The following AGAP1 variants were observed in gnomAD, a reference collection of about 807,000 sequenced individuals.
AGAP1 encodes ArfGAP with GTPase domain, ankyrin repeat and PH domain 1.
A neutral mutation model predicts 105.3 loss-of-function variants in AGAP1; 29 were observed. That is an observed-to-expected ratio of 0.28 (90% CI 0.21 to 0.38). The LOEUF is 0.38. Ranked by LOEUF, AGAP1 falls within the 10% of genes least tolerant of loss-of-function variation. The probability of loss-of-function intolerance (pLI) is 1.00; values close to 1 mark genes in which losing one functional copy is unlikely to be tolerated. For synonymous variants in AGAP1, 509 were observed against 485.9 expected, an observed-to-expected ratio of 1.05 and a Z score of -0.63; for missense variants, 998 against 1,165.1, an observed-to-expected ratio of 0.86 and a Z score of 2.09.
intron 9 of AGAP1, among the ~76,000 whole-genome samples, chr2:235,859,219 C>T (rs1445697503): frequency 3.3e-5 from 5 of 151,744 alleles, no homozygotes; most frequent in African/African-American, 9.7e-5. Flanking sequence ...TTTTTTAATA[C>T]ATATTGTTTC....
At chr2:236,099,257 C>A (rs1467489636) in intron 16 of AGAP1, among the ~76,000 whole-genome samples, 1 of 151,934 alleles carries the variant, frequency 6.6e-6, no homozygotes, top group Non-Finnish European at 1.5e-5. Context: ...TTGAGACTAT[C>A]CTGACTAACA....
chr2:235,810,564 C>T lies in AGAP1; in HGVS notation c.1050+3233C>T, dbSNP rs73126451. ...CCCAGAGTTTACAGATAGTACGTGT[C>T]GCAGTGGCTTATGTTAACCCCCTTT... On this transcript the variant is annotated intron_variant, in intron 9 of 17. Transcript: ENST00000304032. Among the ~76,000 whole-genome samples the T allele has an allele frequency of 6.9e-3, 1,053 of 152,320 alleles. 12 individuals carry two copies. The highest frequency in any genetic ancestry group is 0.024 in the African/African-American group (993 of 41,560).
At position 235,609,324 on chromosome 2, in the gene AGAP1, T is replaced by C. The variant is rs1263918795; in HGVS notation, c.164-99855T>C. ...GAAATTGAGTCCCTAGCAGGAGAAG[T>C]CCCTGTTAAAATGGCCAGAGGACAT... On this transcript the variant is annotated intron_variant, in intron 1 of 17. Coordinates refer to ENST00000304032, the MANE Select transcript of AGAP1 (RefSeq NM_001037131.3). The surrounding 1 kb of genome is among the most constrained non-coding windows in gnomAD (Gnocchi z 5.1). Among the ~76,000 whole-genome samples, 1 of 152,056 alleles carries C rather than the reference T, an allele frequency of 6.6e-6. No homozygotes were observed. The highest frequency in any genetic ancestry group is 1.5e-5 in the Non-Finnish European group (1 of 68,034).
At chr2:235,643,265 T>C (rs1947257976) in intron 1 of AGAP1, among the ~76,000 whole-genome samples, 1 of 151,650 alleles carries the variant, frequency 6.6e-6, no homozygotes, top group Admixed American at 6.6e-5. Flanking sequence ...ACTCTGTCTC[T>C]ACTAAAAATA....
rs1042489994 is a variant in AGAP1, at chr2:235,582,738, C to T, written c.163+87889C>T. Among the ~76,000 whole-genome samples, 3 of 152,256 alleles carry T rather than the reference C, an allele frequency of 2.0e-5. No individual in the cohort carries two copies. Among genetic ancestry groups the T allele is most frequent in the Admixed American group, 2.0e-4 (3 of 15,288 alleles). The stretch of plus-strand genomic sequence containing the variant: ...AGTCAGAGAGAGGGGGCTCGTGGTC[C>T]TTCTTGGGCTCTCATTGCTGTTAGC... On this transcript the variant is annotated intron_variant, in intron 1 of 17. Transcript: ENST00000304032. This position sits in a 1 kb window ranked among gnomAD's most constrained non-coding sequence, Gnocchi z 4.7.
In AGAP1 at chr2:235,799,625, C is replaced by A; in HGVS notation, c.957+103C>A. ...TTCAGTGGTATTTGTAGAATCTCAA[C>A]TATATTAAAGTGAATAACATTGATT... On this transcript the variant is annotated intron_variant, in intron 8 of 17. Coordinates refer to ENST00000304032, the MANE Select transcript of AGAP1 (RefSeq NM_001037131.3). This position sits in a 1 kb window ranked among gnomAD's most constrained non-coding sequence, Gnocchi z 5.0. 7.6e-7 allele frequency: 1 copy of A among 1,314,450 alleles called. No individual in the cohort carries two copies. Among genetic ancestry groups the A allele is most frequent in the South Asian group, 1.5e-5 (1 of 68,228 alleles). 81.4% of individuals were successfully genotyped at this position (1,314,450 alleles called of 1,614,324 possible).
rs774298650 is a variant in AGAP1 at position 235,989,710 on chromosome 2, C to T, written c.1645+21087C>T. Reference sequence around the variant, plus strand: ...TCATGAATCAAGGAGCCCAGGAGGACGGGGAATCCCTGGAGGAGGTGGGTC... The same window carrying T: ...TCATGAATCAAGGAGCCCAGGAGGATGGGGAATCCCTGGAGGAGGTGGGTC... On this transcript the variant is annotated intron_variant, in intron 13 of 17. Transcript: ENST00000304032. The surrounding 1 kb of genome is among the most constrained non-coding windows in gnomAD (Gnocchi z 4.4). Among the ~76,000 whole-genome samples, 4 of 152,040 alleles carry T rather than the reference C, an allele frequency of 2.6e-5. No individual in the cohort carries two copies. Among genetic ancestry groups the T allele is most frequent in the African/African-American group, 7.2e-5 (3 of 41,388 alleles).
At position 235,962,422 on chromosome 2, in the gene AGAP1, C is replaced by T. The variant is rs985065624; in HGVS notation, c.1484-6040C>T. 1.3e-5 allele frequency among the ~76,000 whole-genome samples: 2 copies of T among 151,840 alleles called. No homozygotes were observed. Among genetic ancestry groups the T allele is most frequent in the Non-Finnish European group, 2.9e-5 (2 of 67,990 alleles). On this transcript the variant is annotated intron_variant, in intron 12 of 17. Transcript: ENST00000304032. This position sits in a 1 kb window ranked among gnomAD's most constrained non-coding sequence, Gnocchi z 5.3. ...GTTTCAAGTCGTGTGCGATGCTGCC[C>T]GGCTGTATAAGAAAAACCGTGGGAT...
rs1160379880 is a variant in AGAP1 at position 235,608,622 on chromosome 2, A to G, written c.164-100557A>G. 6.6e-6 allele frequency among the ~76,000 whole-genome samples: 1 copy of G among 152,236 alleles called. No homozygotes were observed. Among genetic ancestry groups the G allele is most frequent in the Non-Finnish European group, 1.5e-5 (1 of 68,046 alleles). ...CCCAGAGTGTCTGGGGGACGCATCC[A>G]GGGTCCCAGGCCCAGAAAACAGTGG... is the stretch of plus-strand genomic sequence containing the variant. On this transcript the variant is annotated intron_variant, in intron 1 of 17. Transcript: ENST00000304032. The surrounding 1 kb of genome is among the most constrained non-coding windows in gnomAD (Gnocchi z 5.4).
At position 235,664,217 on chromosome 2, in the gene AGAP1, G is replaced by GTT. The variant is rs913695564; in HGVS notation, c.164-44953_164-44952dup. On this transcript the variant is annotated intron_variant, in intron 1 of 17. Coordinates refer to ENST00000304032, the MANE Select transcript of AGAP1 (RefSeq NM_001037131.3). The surrounding 1 kb of genome is among the most constrained non-coding windows in gnomAD (Gnocchi z 5.7). The stretch of plus-strand genomic sequence containing the variant: ...ATTTTAATATATAGTTTGTTTTTTT[G>GTT]TTTTTTTTTTCGAGACGGAGTTTCA... Among the ~76,000 whole-genome samples the GTT allele has an allele frequency of 2.0e-5, 3 of 147,606 alleles. No individual in the cohort carries two copies. The highest frequency in any genetic ancestry group is 5.0e-5 in the African/African-American group (2 of 40,162).
chr2:235,727,117 C>T (rs771247681), intron 3 of AGAP1, among the ~76,000 whole-genome samples: 1 of 152,192 alleles, frequency 6.6e-6, no homozygotes, highest in Admixed American at 6.5e-5. Context: ...GAGTCAGGTG[C>T]TTTTCCCTAA....
rs1941464946 is a variant in AGAP1, at chr2:235,499,348, A to AT, written c.163+4500dup. ...AAAACTTCCAGAAGCATTTGTTTTC[A>AT]TGTGGAAATGTATTTAGTCCGGTTG... On this transcript the variant is annotated intron_variant, in intron 1 of 17. Coordinates refer to ENST00000304032, the MANE Select transcript of AGAP1 (RefSeq NM_001037131.3). Among the ~76,000 whole-genome samples the AT allele has an allele frequency of 2.6e-5, 4 of 152,334 alleles. No individual in the cohort carries two copies. In the South Asian group the frequency reaches 8.3e-4, roughly 32 times the overall value.
In AGAP1 at chr2:235,712,826, G is replaced by A. The variant is rs1041991158; in HGVS notation, c.222+3589G>A. Among the ~76,000 whole-genome samples the A allele has an allele frequency of 3.9e-5, 6 of 152,178 alleles. No homozygotes were observed. The highest frequency in any genetic ancestry group is 5.9e-5 in the Non-Finnish European group (4 of 68,042). ...GGCTCGCTCTGGATTGATTTCCTCCGTCTTGGTTTACTTCCAGCAGTCGCT... is the reference window on the plus strand; with the variant it reads ...GGCTCGCTCTGGATTGATTTCCTCCATCTTGGTTTACTTCCAGCAGTCGCT... On this transcript the variant is annotated intron_variant, in intron 2 of 17. Transcript: ENST00000304032. The surrounding 1 kb of genome is among the most constrained non-coding windows in gnomAD (Gnocchi z 6.0).
intron 1 of AGAP1, among the ~76,000 whole-genome samples, chr2:235,511,952 ATGTG>A (rs1183557567): frequency 6.9e-6 from 1 of 145,366 alleles, no homozygotes; most frequent in African/African-American, 2.6e-5. Context: ...GTGGGTGTGA[ATGTG>A]TGTGTAAAGG....
chr2:235,948,211 C>A (rs1465538702), intron 12 of AGAP1, among the ~76,000 whole-genome samples: 1 of 152,196 alleles, frequency 6.6e-6, no homozygotes, highest in Non-Finnish European at 1.5e-5. Flanking sequence ...GAGACAGGGT[C>A]TCACTGTGTC....
chr2:235,686,370 G>A (rs1194333145), intron 1 of AGAP1, among the ~76,000 whole-genome samples: 2 of 151,824 alleles, frequency 1.3e-5, no homozygotes, highest in Admixed American at 1.3e-4. Context: ...CCTGGTTTGG[G>A]AAGGCAGAGC....
intron 9 of AGAP1, among the ~76,000 whole-genome samples, chr2:235,854,729 G>A (rs899074679): frequency 6.6e-6 from 1 of 152,218 alleles, no homozygotes; most frequent in African/African-American, 2.4e-5. Context: ...GTGAATTGTG[G>A]AGTGATAGGT....
intron 1 of AGAP1, among the ~76,000 whole-genome samples, chr2:235,570,677 C>G (rs1424009694): frequency 6.6e-6 from 1 of 152,224 alleles, no homozygotes; most frequent in Non-Finnish European, 1.5e-5. Context: ...TTAAGTTTCT[C>G]TGGGTGTCCC....
rs190867849 is a variant in AGAP1 at position 235,734,955 on chromosome 2, G to C, written c.311-6008G>C. Among the ~76,000 whole-genome samples, 1 of 125,322 alleles carries C rather than the reference G, an allele frequency of 8.0e-6. No homozygotes were observed. Among genetic ancestry groups the C allele is most frequent in the African/African-American group, 2.5e-5 (1 of 39,232 alleles). The allele number at this position is 125,322 out of a possible 152,430, so 82.2% of individuals were successfully genotyped here. The stretch of plus-strand genomic sequence containing the variant: ...TTTGGGTGTTGCCAGTGATGTTTGC[G>C]TCATAAGATGGGGTGAGGGCTAACG... On this transcript the variant is annotated intron_variant, in intron 3 of 17. Coordinates refer to ENST00000304032, the MANE Select transcript of AGAP1 (RefSeq NM_001037131.3). The surrounding 1 kb of genome is among the most constrained non-coding windows in gnomAD (Gnocchi z 5.3).
Sources: gnomAD v4.1 joint callset for allele counts (sites outside exome capture counted in the v4.1 genomes callset) on GRCh38, gnomAD v4.1.1 for gene constraint, Gnocchi (gnomAD v3.1) non-coding constraint, MANE v1.5 for transcripts, NCBI Gene and HGNC (gene_info 2026-07-23, HGNC 2026-07-21) for gene names.